Variants in MBNL3 observed in about 807,000 individuals in gnomAD.
MBNL3 encodes muscleblind-like protein 3.
Under a neutral mutation model 24.5 loss-of-function variants are expected in MBNL3, and 6 were observed. That is an observed-to-expected ratio of 0.25 (90% CI 0.13 to 0.48). The LOEUF is 0.48. Ranked by LOEUF, MBNL3 falls within the 20% of genes least tolerant of loss-of-function variation. The probability of loss-of-function intolerance (pLI) is 0.99; values close to 1 mark genes in which losing one functional copy is unlikely to be tolerated. For synonymous variants in MBNL3, 100 were observed against 101.7 expected (o/e 0.98, Z 0.10); for missense variants, 230 against 293.5 (o/e 0.78, Z 1.58).
chrX:132,471,473 C>T (rs1947176892), intron 1 of MBNL3, among the ~76,000 whole-genome samples: 1 of 112,158 alleles, frequency 8.9e-6, no homozygotes, highest in African/African-American at 3.2e-5. Context: ...TCGCTTGAGC[C>T]CAGGAGTTCA....
chrX:132,439,109 C>T lies in MBNL3; in HGVS notation c.177+326G>A, dbSNP rs763493418. 4.1e-4 allele frequency among the ~76,000 whole-genome samples: 45 copies of T among 110,425 alleles called. No individual in the cohort carries two copies. The Middle Eastern group carries it at 0.019, about 46-fold the overall frequency. On this transcript the variant is annotated intron_variant, in intron 2 of 8. Transcript: ENST00000370853. ...TCTAAATCATATACAAAAAAGTAAA[C>T]GATAGCAAGGCTACAATCCCTCACT... is the stretch of plus-strand genomic sequence containing the variant.
chrX:132,392,167 T>G lies in MBNL3; in HGVS notation c.510A>C (p.Lys170Asn). 4 of 1,207,145 alleles carry G rather than the reference T, an allele frequency of 3.3e-6. No individual in the cohort carries two copies. The highest frequency in any genetic ancestry group is 4.5e-6 in the Non-Finnish European group (4 of 893,571). Residue 170 changes from lysine (K) to asparagine (N), a missense_variant, in exon 4 of 9, where the codon AAA (lysine) becomes AAC (asparagine). Transcript: ENST00000370853. ...PLAMPGAVGPKLMRSDKLEVC... is the reference protein window; with the variant it reads ...PLAMPGAVGPNLMRSDKLEVC... ...CCTCCAGTTTATCTGAACGCATCAG[T>G]TTTGGGCCAACAGCTCCTGGCATTG...
chrX:132,482,807 T>A (rs930841274), intron 1 of MBNL3, among the ~76,000 whole-genome samples: 2 of 112,108 alleles, frequency 1.8e-5, no homozygotes. Flanking sequence ...TCAATCTGAG[T>A]CTGGCCTTGA....
At chrX:132,395,304 T>A in intron 3 of MBNL3, among the ~76,000 whole-genome samples, 1 of 111,592 alleles carries the variant, frequency 9.0e-6, no homozygotes, top group Non-Finnish European at 1.9e-5. Context: ...TCTCTATATA[T>A]ATCTCAGCCC....
At chrX:132,470,234 C>T (rs1947106629) in intron 1 of MBNL3, among the ~76,000 whole-genome samples, 1 of 111,428 alleles carries the variant, frequency 9.0e-6, no homozygotes, top group South Asian at 3.7e-4. Context: ...TTTTGTGAGG[C>T]TCAATTTATA....
chrX:132,373,733 A>G lies in MBNL3; in HGVS notation c.*5933T>C, dbSNP rs1046137041. ...CAAAAAGAAAGTTAACTGGCTATCT[A>G]TAGGTGGCGTGGGAGCTAAAATTGG... On this transcript the variant is annotated 3_prime_UTR_variant, in exon 9 of 9. Coordinates refer to ENST00000370853, the MANE Select transcript of MBNL3 (RefSeq NM_001386889.1). 7 of 111,666 alleles carry G rather than the reference A, an allele frequency of 6.3e-5. No individual in the cohort carries two copies. Among genetic ancestry groups the G allele is most frequent in the Non-Finnish European group, 1.3e-4 (7 of 52,998 alleles). The allele number at this position is 111,666 out of a possible 1,213,427, so 9.2% of individuals were successfully genotyped here. A position where few individuals can be genotyped will look rare whatever the true frequency, so the allele number is the denominator to read the frequency against.
At chrX:132,419,922 T>G (rs1193166535) in intron 2 of MBNL3, among the ~76,000 whole-genome samples, 1 of 112,107 alleles carries the variant, frequency 8.9e-6, no homozygotes, top group African/African-American at 3.2e-5. Context: ...ATCATTAGGT[T>G]TCTCCCCAGC....
At chrX:132,397,748 A>G in intron 3 of MBNL3, among the ~76,000 whole-genome samples, 1 of 111,294 alleles carries the variant, frequency 9.0e-6, no homozygotes, top group Non-Finnish European at 1.9e-5. Flanking sequence ...ACTGAAATCC[A>G]TAATTTTAGT....
At chrX:132,380,584 C>G (rs1185369991) in intron 8 of MBNL3, among the ~76,000 whole-genome samples, 3 of 111,521 alleles carry the variant, frequency 2.7e-5, no homozygotes, top group Non-Finnish European at 3.8e-5. Flanking sequence ...GTCTGGGGAA[C>G]TAGTTCACGA....
intron 5 of MBNL3, among the ~76,000 whole-genome samples, chrX:132,387,711 C>G (rs73638569): frequency 8.9e-6 from 1 of 112,143 alleles, no homozygotes; most frequent in African/African-American, 3.2e-5. Context: ...TCCTCCCCCA[C>G]GACCTACCTC....
In MBNL3 at chrX:132,375,164, G is replaced by A. The variant is rs1280585145; in HGVS notation, c.*4502C>T. 9.0e-6 allele frequency: 1 copy of A among 111,704 alleles called. No individual in the cohort carries two copies. Among genetic ancestry groups the A allele is most frequent in the African/African-American group, 3.2e-5 (1 of 30,825 alleles). 9.2% of individuals were successfully genotyped at this position (111,704 alleles called of 1,213,427 possible). ...GCTGTATTTTCTACAGGCTCATACTGTCACAAATCACCTATAGTTTACAAG... is the reference window on the plus strand; with the variant it reads ...GCTGTATTTTCTACAGGCTCATACTATCACAAATCACCTATAGTTTACAAG... On this transcript the variant is annotated 3_prime_UTR_variant, in exon 9 of 9. Coordinates refer to ENST00000370853, the MANE Select transcript of MBNL3 (RefSeq NM_001386889.1).
At chrX:132,396,168 G>A (rs1340632829) in intron 3 of MBNL3, among the ~76,000 whole-genome samples, 2 of 107,000 alleles carry the variant, frequency 1.9e-5, no homozygotes, top group Non-Finnish European at 3.9e-5. Context: ...TGTTATATAA[G>A]TACCTATATA....
Position 132,433,780 on chromosome X carries a change from C to T in MBNL3, c.177+5655G>A, listed in dbSNP as rs1944936106. On this transcript the variant is annotated intron_variant, in intron 2 of 8. Transcript: ENST00000370853. ...ACCTCCCTGCCCTCATCTCCCACTGCCCTCCCCCTTCATGGCTCTGCTCCA... is the reference window on the plus strand; with the variant it reads ...ACCTCCCTGCCCTCATCTCCCACTGTCCTCCCCCTTCATGGCTCTGCTCCA... Among the ~76,000 whole-genome samples the T allele has an allele frequency of 6.3e-5, 7 of 111,311 alleles. No homozygotes were observed. In the Admixed American group the frequency reaches 6.6e-4, roughly 11 times the overall value.
At chrX:132,485,093 A>C (rs1303370635) in intron 1 of MBNL3, among the ~76,000 whole-genome samples, 1 of 111,814 alleles carries the variant, frequency 8.9e-6, no homozygotes, top group Non-Finnish European at 1.9e-5. Flanking sequence ...CCTGAGCCTC[A>C]GAGTGACATC....
intron 5 of MBNL3, among the ~76,000 whole-genome samples, chrX:132,389,666 C>T (rs756631543): frequency 1.8e-4 from 20 of 110,650 alleles, no homozygotes; most frequent in Non-Finnish European, 3.6e-4. Context: ...TTGTCCTTTA[C>T]TGGGGCTGTT....
At position 132,376,488 on chromosome X, in the gene MBNL3, T is replaced by C. The variant is rs965837030; in HGVS notation, c.*3178A>G. 4 of 111,532 alleles carry C rather than the reference T, an allele frequency of 3.6e-5. No homozygotes were observed. The allele number at this position is 111,532 out of a possible 1,213,427, so 9.2% of individuals were successfully genotyped here. A position where few individuals can be genotyped will look rare whatever the true frequency, so the allele number is the denominator to read the frequency against. ...TTCTCTGTATACATGACCCGTTTTA[T>C]CCAAGTTTCAGCACTCTTGCATATT... On this transcript the variant is annotated 3_prime_UTR_variant, in exon 9 of 9. Coordinates refer to ENST00000370853, the MANE Select transcript of MBNL3 (RefSeq NM_001386889.1).
chrX:132,396,614 T>TCACATATATATTCA (rs1193895391), intron 3 of MBNL3, among the ~76,000 whole-genome samples: 1 of 42,349 alleles, frequency 2.4e-5, no homozygotes. Flanking sequence ...CTATATATAT[T>TCACATATATATTCA]CATATATATA....
chrX:132,438,450 T>TGAGGTAAAATTGGTCATGATG (rs1277429415), intron 2 of MBNL3, among the ~76,000 whole-genome samples: 5 of 111,153 alleles, frequency 4.5e-5, no homozygotes, highest in Admixed American at 9.6e-5. Context: ...AAAATGTTAA[T>TGAGGTAAAATTGGTCATGATG]GAGGTAAAAT....
At chrX:132,435,264 T>C (rs757488845) in intron 2 of MBNL3, among the ~76,000 whole-genome samples, 1 of 111,858 alleles carries the variant, frequency 8.9e-6, no homozygotes, top group Non-Finnish European at 1.9e-5. Flanking sequence ...TCAAAGATAC[T>C]TCCCTTTAAA....
Sources: allele counts gnomAD v4.1 joint callset (sites outside exome capture counted in the v4.1 genomes callset), GRCh38; gene constraint gnomAD v4.1.1; transcripts MANE v1.5; gene names NCBI Gene and HGNC (gene_info 2026-07-23, HGNC 2026-07-21).